The following B3GALT1 variants were observed in gnomAD, a reference collection of about 807,000 sequenced individuals.
B3GALT1 encodes the protein beta-1,3-galactosyltransferase 1.
A neutral mutation model predicts 23.2 loss-of-function variants in B3GALT1; 10 were observed. The observed-to-expected ratio is 0.43, with a 90% CI of 0.27 to 0.73. The LOEUF (loss-of-function observed/expected upper bound fraction) is 0.73. Among genes scored for constraint, B3GALT1 ranks in the 30% least tolerant of loss-of-function variants. The probability of loss-of-function intolerance (pLI) is 0.21; values close to 1 mark genes in which losing one functional copy is unlikely to be tolerated. For synonymous variants in B3GALT1, 156 were observed against 141.5 expected (o/e 1.10, Z -0.73); for missense variants, 299 against 405.4 (o/e 0.74, Z 2.25).
At chr2:167,825,535 T>C (rs1280418085) in intron 4 of B3GALT1, among the ~76,000 whole-genome samples, 4 of 150,588 alleles carry the variant, frequency 2.7e-5, no homozygotes, top group Admixed American at 1.3e-4. Context: ...AGGCCACCAA[T>C]AGAAGACAAT....
intron 1 of B3GALT1, among the ~76,000 whole-genome samples, chr2:167,334,511 G>C (rs192467509): frequency 6.6e-6 from 1 of 152,274 alleles, no homozygotes; most frequent in Admixed American, 6.5e-5. Flanking sequence ...TTAAACTAAA[G>C]ATGTTTTGGG....
intron 2 of B3GALT1, among the ~76,000 whole-genome samples, chr2:167,579,046 A>T (rs1009621902): frequency 2.6e-5 from 4 of 152,112 alleles, no homozygotes; most frequent in African/African-American, 9.7e-5. Flanking sequence ...AGTCTTTGAC[A>T]GAGCTTGCCC....
intron 1 of B3GALT1, among the ~76,000 whole-genome samples, chr2:167,404,988 A>G (rs1325763956): frequency 2.0e-5 from 3 of 152,192 alleles, no homozygotes; most frequent in East Asian, 3.9e-4. Flanking sequence ...CCGAATGTCA[A>G]TAAGCCAATG....
chr2:167,297,394 T>TA (rs1559058534), intron 1 of B3GALT1, among the ~76,000 whole-genome samples: 1 of 132,698 alleles, frequency 7.5e-6, no homozygotes. Flanking sequence ...TAAAAACTGA[T>TA]TAAAAAAAAA....
intron 3 of B3GALT1, among the ~76,000 whole-genome samples, chr2:167,689,578 T>C (rs73971223): frequency 0.073 from 11,176 of 152,230 alleles, 610 homozygotes; most frequent in East Asian, 0.18. Flanking sequence ...AAAGGACTTC[T>C]GGATTCCAGA....
intron 1 of B3GALT1, among the ~76,000 whole-genome samples, chr2:167,442,379 T>G (rs922920287): frequency 2.0e-5 from 3 of 152,168 alleles, no homozygotes; most frequent in Admixed American, 6.6e-5. Flanking sequence ...TTTATAGTCC[T>G]TTGGGTATAT....
At chr2:167,326,496 A>G (rs901511460) in intron 1 of B3GALT1, among the ~76,000 whole-genome samples, 11 of 151,986 alleles carry the variant, frequency 7.2e-5, no homozygotes, top group African/African-American at 2.4e-4. Context: ...CTTAAAGATA[A>G]AATCCTTACC....
At chr2:167,373,355 A>G (rs1280406326) in intron 1 of B3GALT1, among the ~76,000 whole-genome samples, 1 of 152,156 alleles carries the variant, frequency 6.6e-6, no homozygotes, top group African/African-American at 2.4e-5. Context: ...ATAATAAGTA[A>G]ATTGTTTTTT....
chr2:167,615,998 C>G (rs1685154496), intron 2 of B3GALT1, among the ~76,000 whole-genome samples: 1 of 152,020 alleles, frequency 6.6e-6, no homozygotes. Context: ...TGCCACTCAA[C>G]ATTTATGAGT....
At chr2:167,637,334 T>C (rs1231153179) in intron 2 of B3GALT1, among the ~76,000 whole-genome samples, 1 of 152,026 alleles carries the variant, frequency 6.6e-6, no homozygotes, top group African/African-American at 2.4e-5. Context: ...GTTATACTAA[T>C]GCCCAGAGAA....
chr2:167,605,335 A>G (rs2105427383), intron 2 of B3GALT1, among the ~76,000 whole-genome samples: 1 of 152,328 alleles, frequency 6.6e-6, no homozygotes. Flanking sequence ...TATGTGGATT[A>G]TGTAGGCACA....
intron 2 of B3GALT1, among the ~76,000 whole-genome samples, chr2:167,605,000 A>G (rs1362088918): frequency 6.6e-6 from 1 of 152,222 alleles, no homozygotes; most frequent in African/African-American, 2.4e-5. Flanking sequence ...GAGAATGCAC[A>G]TTACAGTGCG....
At chr2:167,861,790 T>C (rs1472392473) in intron 4 of B3GALT1, among the ~76,000 whole-genome samples, 1 of 152,228 alleles carries the variant, frequency 6.6e-6, no homozygotes, top group African/African-American at 2.4e-5. Context: ...AGGAGACATT[T>C]GCATTCCCTT....
chr2:167,476,527 C>A (rs1699488711), intron 1 of B3GALT1, among the ~76,000 whole-genome samples: 1 of 152,142 alleles, frequency 6.6e-6, no homozygotes, highest in African/African-American at 2.4e-5. Flanking sequence ...ATTACACCTT[C>A]ACAGCTTCTT....
chr2:167,808,770 G>C (rs543593899), intron 3 of B3GALT1, among the ~76,000 whole-genome samples: 1 of 152,150 alleles, frequency 6.6e-6, no homozygotes, highest in South Asian at 2.1e-4. Flanking sequence ...TCTTGGAGTT[G>C]CTCTTCTCAA....
intron 2 of B3GALT1, among the ~76,000 whole-genome samples, chr2:167,593,657 G>C (rs1684722487): frequency 6.6e-6 from 1 of 152,172 alleles, no homozygotes; most frequent in Admixed American, 6.5e-5. Flanking sequence ...TGGTAGAAAA[G>C]AAGAACTGAA....
intron 1 of B3GALT1, among the ~76,000 whole-genome samples, chr2:167,441,883 A>AT (rs547834384): frequency 7.9e-4 from 118 of 150,074 alleles, no homozygotes; most frequent in Non-Finnish European, 1.2e-3. Flanking sequence ...AATTTAATTT[A>AT]TTTTTTTTAT....
chr2:167,621,212 T>A (rs1480508873), intron 2 of B3GALT1, among the ~76,000 whole-genome samples: 2 of 151,112 alleles, frequency 1.3e-5, no homozygotes, highest in Non-Finnish European at 3.0e-5. Flanking sequence ...CGTCAGCCTC[T>A]TGAGTAGCTG....
chr2:167,667,033 T>C (rs1429376773), intron 3 of B3GALT1, among the ~76,000 whole-genome samples: 3 of 151,848 alleles, frequency 2.0e-5, no homozygotes, highest in Admixed American at 2.0e-4. Flanking sequence ...TTGATGCAGT[T>C]TCTTCCTAGT....
Sources: gnomAD v4.1 joint callset for allele counts (sites outside exome capture counted in the v4.1 genomes callset) on GRCh38, gnomAD v4.1.1 for gene constraint, MANE v1.5 for transcripts, NCBI Gene and HGNC (gene_info 2026-07-23, HGNC 2026-07-21) for gene names.